The following ADCY3 variants were observed in gnomAD, a reference collection of about 807,000 sequenced individuals.
ADCY3 encodes adenylate cyclase type 3.
ADCY3 carries 70 observed loss-of-function variants against 119.4 expected under a neutral mutation model. That is an observed-to-expected ratio of 0.59 (90% CI 0.48 to 0.72). The LOEUF is 0.72. Ranked by LOEUF, ADCY3 falls within the 30% of genes least tolerant of loss-of-function variation. The pLI, the probability that ADCY3 is intolerant of heterozygous loss-of-function variation, is 0.00. For synonymous variants in ADCY3, 672 were observed against 621.4 expected (o/e 1.08, Z -1.21); for missense variants, 1,238 against 1,541.6 (o/e 0.80, Z 3.30).
intron 3 of ADCY3, among the ~76,000 whole-genome samples, chr2:24,861,532 C>T (rs1472290125): frequency 1.3e-5 from 2 of 152,120 alleles, no homozygotes; most frequent in African/African-American, 2.4e-5. Flanking sequence ...GGACTGTCTG[C>T]GGCCCTTTCC....
chr2:24,911,878 A>T (rs1311368666), intron 2 of ADCY3, among the ~76,000 whole-genome samples: 1 of 152,174 alleles, frequency 6.6e-6, no homozygotes, highest in Non-Finnish European at 1.5e-5. Flanking sequence ...TCCAGTGAGA[A>T]GGAACTCCAA....
At position 24,918,823 on chromosome 2, in the gene ADCY3, C is replaced by G; in HGVS notation, c.165G>C (p.Leu55=). The G allele has an allele frequency of 6.2e-7, 1 of 1,613,762 alleles. No homozygotes were observed. Among genetic ancestry groups the G allele is most frequent in the Non-Finnish European group, 8.5e-7 (1 of 1,180,038 alleles). ...TCTCCAAGGACTCCGGCACGAAAGT[C>G]AGCCGCATGAAGCGAGGCAGGCACA... ...SCLCLPRFMR[L]TFVPESLENL... is the part of the protein sequence containing the mutation. Residue 55 remains leucine, a synonymous_variant, in exon 2 of 22, where the codon CTG becomes CTC. Coordinates refer to ENST00000679454, the MANE Select transcript of ADCY3 (RefSeq NM_004036.5). This position sits in a 1 kb window ranked among gnomAD's most constrained non-coding sequence, Gnocchi z 5.4.
intron 3 of ADCY3, among the ~76,000 whole-genome samples, chr2:24,859,742 G>A (rs944303611): frequency 6.6e-5 from 10 of 152,190 alleles, no homozygotes; most frequent in Non-Finnish European, 1.0e-4. Flanking sequence ...ACCATCCCTA[G>A]TAACAGGTGA....
intron 2 of ADCY3, among the ~76,000 whole-genome samples, chr2:24,894,974 G>A (rs1678088472): frequency 6.6e-6 from 1 of 151,692 alleles, no homozygotes; most frequent in Non-Finnish European, 1.5e-5. Context: ...TCTTATCTTT[G>A]TTCCTCTCTA....
At chr2:24,825,351 CG>C (rs1558404285) in intron 16 of ADCY3, among the ~76,000 whole-genome samples, 2 of 11,834 alleles carry the variant, frequency 1.7e-4, no homozygotes, top group Non-Finnish European at 1.7e-4. Flanking sequence ...GGGGGGGGTG[CG>C]GGGGGGGTGT....
At chr2:24,855,687 G>A (rs146901564) in intron 3 of ADCY3, among the ~76,000 whole-genome samples, 33 of 152,328 alleles carry the variant, frequency 2.2e-4, no homozygotes, top group Middle Eastern at 3.4e-3. Context: ...TTCCTAGTAG[G>A]TTTCCTGGGT....
intron 3 of ADCY3, among the ~76,000 whole-genome samples, chr2:24,854,032 T>C (rs1456679879): frequency 6.6e-6 from 1 of 152,242 alleles, no homozygotes; most frequent in Non-Finnish European, 1.5e-5. Context: ...TAAAAATTAC[T>C]TGAGGACACA....
chr2:24,904,966 C>T (rs17046737), intron 2 of ADCY3, among the ~76,000 whole-genome samples: 48,999 of 151,748 alleles, frequency 0.32, 8,044 homozygotes, highest in East Asian at 0.38. Context: ...GCCTCCTATG[C>T]GCCATTCCTC....
At chr2:24,874,295 A>G (rs1314709938) in intron 2 of ADCY3, among the ~76,000 whole-genome samples, 1 of 152,164 alleles carries the variant, frequency 6.6e-6, no homozygotes, top group Non-Finnish European at 1.5e-5. Flanking sequence ...TCCAGCTTGT[A>G]ATGACCTGTT....
chr2:24,828,515 A>C (rs1668946112), intron 13 of ADCY3, among the ~76,000 whole-genome samples: 1 of 152,144 alleles, frequency 6.6e-6, no homozygotes, highest in South Asian at 2.1e-4. Context: ...TCTTCCCCAT[A>C]TCACACTGTT....
Position 24,841,786 on chromosome 2 carries a change from C to T in ADCY3, c.957-119G>A. On this transcript the variant is annotated intron_variant, in intron 4 of 21. Transcript: ENST00000679454. This position sits in a 1 kb window ranked among gnomAD's most constrained non-coding sequence, Gnocchi z 5.8. Reference sequence around the variant, plus strand: ...GGATCAGGGCAGGAGAAGGTCCTCCCTCACGACCCCCAGACAGTGAGACCC... The same window carrying T: ...GGATCAGGGCAGGAGAAGGTCCTCCTTCACGACCCCCAGACAGTGAGACCC... 1.4e-6 allele frequency: 1 copy of T among 719,592 alleles called. No individual in the cohort carries two copies. The highest frequency in any genetic ancestry group is 1.7e-5 in the South Asian group (1 of 58,388). 44.6% of individuals were successfully genotyped at this position (719,592 alleles called of 1,614,324 possible). A position where few individuals can be genotyped will look rare whatever the true frequency, so the allele number is the denominator to read the frequency against.
intron 12 of ADCY3, among the ~76,000 whole-genome samples, chr2:24,831,165 G>C (rs147368510): frequency 2.0e-3 from 300 of 151,898 alleles, no homozygotes; most frequent in African/African-American, 4.3e-3. Flanking sequence ...CTGGCTCCAA[G>C]TGACCTGGCG....
In ADCY3 at chr2:24,838,428, T is replaced by A. The variant is rs937748787; in HGVS notation, c.1533+17A>T. 1 of 583,700 alleles carries A rather than the reference T, an allele frequency of 1.7e-6. No homozygotes were observed. Among genetic ancestry groups the A allele is most frequent in the East Asian group, 6.5e-5 (1 of 15,296 alleles). 36.2% of individuals were successfully genotyped at this position (583,700 alleles called of 1,614,324 possible). On this transcript the variant is annotated intron_variant, in intron 8 of 21. Coordinates refer to ENST00000679454, the MANE Select transcript of ADCY3 (RefSeq NM_004036.5). ...GGTGGGGTGGGTGGGGTGGGTGGGG[T>A]GGGGTGGGGAACTCACCGAGCCATT... is the stretch of plus-strand genomic sequence containing the variant.
In ADCY3 at chr2:24,834,392, A is replaced by C; in HGVS notation, c.1967+93T>G. Reference sequence around the variant, plus strand: ...GGAGCAGAGACTGGCTTGCTCCCCAATGTCAGGCTCCCGCTGAGACACCTG... The same window carrying C: ...GGAGCAGAGACTGGCTTGCTCCCCACTGTCAGGCTCCCGCTGAGACACCTG... On this transcript the variant is annotated intron_variant, in intron 11 of 21. Transcript: ENST00000679454. This position sits in a 1 kb window ranked among gnomAD's most constrained non-coding sequence, Gnocchi z 4.2. The C allele has an allele frequency of 5.6e-6, 8 of 1,429,618 alleles. No individual in the cohort carries two copies. Among genetic ancestry groups the C allele is most frequent in the African/African-American group, 1.4e-5 (1 of 70,556 alleles). 88.6% of individuals were successfully genotyped at this position (1,429,618 alleles called of 1,614,324 possible).
chr2:24,863,042 G>C (rs1306600818), intron 3 of ADCY3, among the ~76,000 whole-genome samples: 2 of 152,094 alleles, frequency 1.3e-5, no homozygotes, highest in East Asian at 3.8e-4. Flanking sequence ...CTCTTAATCA[G>C]GATAAAACAT....
At chr2:24,892,884 G>A (rs1043220745) in intron 2 of ADCY3, among the ~76,000 whole-genome samples, 1 of 151,566 alleles carries the variant, frequency 6.6e-6, no homozygotes, top group African/African-American at 2.4e-5. Flanking sequence ...GGCTGGTCTC[G>A]AACTCCCGGC....
chr2:24,906,947 A>G (rs1662913324), intron 2 of ADCY3, among the ~76,000 whole-genome samples: 1 of 152,136 alleles, frequency 6.6e-6, no homozygotes, highest in South Asian at 2.1e-4. Context: ...CCTGGCCATC[A>G]TGGTGAAACC....
At chr2:24,825,282 C>T (rs1668412911) in intron 16 of ADCY3, among the ~76,000 whole-genome samples, 1 of 147,482 alleles carries the variant, frequency 6.8e-6, no homozygotes, top group African/African-American at 2.5e-5. Context: ...CTTTCTCTTC[C>T]CTCTCTTCCT....
chr2:24,896,793 T>C (rs1423636758), intron 2 of ADCY3, among the ~76,000 whole-genome samples: 1 of 152,214 alleles, frequency 6.6e-6, no homozygotes, highest in Non-Finnish European at 1.5e-5. Context: ...CCACAGATTC[T>C]AGAAACCTTA....
Sources: allele counts gnomAD v4.1 joint callset (sites outside exome capture counted in the v4.1 genomes callset), GRCh38; gene constraint gnomAD v4.1.1; non-coding constraint Gnocchi (gnomAD v3.1); transcripts MANE v1.5; gene names NCBI Gene and HGNC (gene_info 2026-07-23, HGNC 2026-07-21).